The following FAM171A1 variants were observed in gnomAD, a reference collection of about 807,000 sequenced individuals.
FAM171A1 encodes family with sequence similarity 171 member A1.
In FAM171A1, 23 loss-of-function variants were observed where a neutral mutation model predicts 74.9. The observed-to-expected ratio is 0.31, with a 90% CI of 0.22 to 0.44. The LOEUF is 0.44. Among genes scored for constraint, FAM171A1 ranks in the 20% least tolerant of loss-of-function variants. The pLI, the probability that FAM171A1 is intolerant of heterozygous loss-of-function variation, is 1.00. For missense variants in FAM171A1, 1,162 were observed against 1,159.2 expected, an observed-to-expected ratio of 1.00 and a Z score of -0.03; for synonymous variants, 527 against 505.7, an observed-to-expected ratio of 1.04 and a Z score of -0.57.
chr10:15,300,924 G>A (rs114576392), intron 1 of FAM171A1, among the ~76,000 whole-genome samples: 209 of 152,228 alleles, frequency 1.4e-3, no homozygotes, highest in African/African-American at 4.1e-3. Context: ...ATCACGAAGC[G>A]TCTACAGAAA....
In FAM171A1 at chr10:15,243,800, T is replaced by TG. The variant is rs779325915; in HGVS notation, c.754+4838_754+4839insC. 8.4e-4 allele frequency among the ~76,000 whole-genome samples: 13 copies of TG among 15,444 alleles called. No homozygotes were observed. In the South Asian group the frequency reaches 0.02, roughly 24 times the overall value. The allele number at this position is 15,444 out of a possible 152,430, so 10.1% of individuals were successfully genotyped here. A position where few individuals can be genotyped will look rare whatever the true frequency, so the allele number is the denominator to read the frequency against. ...GTAAATTCTATGTATACAGTCAATGTATACATTGACTGAGCAGCTCACCGC... is the reference window on the plus strand; with the variant it reads ...GTAAATTCTATGTATACAGTCAATGTGATACATTGACTGAGCAGCTCACCGC... On this transcript the variant is annotated intron_variant, in intron 5 of 7. Coordinates refer to ENST00000378116, the MANE Select transcript of FAM171A1 (RefSeq NM_001010924.2).
At chr10:15,219,704 C>T (rs978785275) in intron 6 of FAM171A1, among the ~76,000 whole-genome samples, 3 of 152,230 alleles carry the variant, frequency 2.0e-5, no homozygotes, top group African/African-American at 7.2e-5. Flanking sequence ...GCCTCAGCCT[C>T]CCAAGTAGCT....
chr10:15,248,912 C>A (rs1291278416), intron 4 of FAM171A1, 97 bp from the exon 5 acceptor site: 10 of 1,158,104 alleles, frequency 8.6e-6, no homozygotes, highest in Non-Finnish European at 1.1e-5. Context: ...ACCATTACCT[C>A]CTATATGCCA....
intron 1 of FAM171A1, among the ~76,000 whole-genome samples, chr10:15,367,784 T>G (rs1171644343): frequency 6.6e-6 from 1 of 152,252 alleles, no homozygotes; most frequent in Non-Finnish European, 1.5e-5. Context: ...TTTTCAGCAC[T>G]GGGTTTGCCT....
chr10:15,348,978 T>C (rs867099263), intron 1 of FAM171A1, among the ~76,000 whole-genome samples: 2 of 152,240 alleles, frequency 1.3e-5, no homozygotes, highest in Non-Finnish European at 2.9e-5. Context: ...TCTGACTTCA[T>C]GCTACCATCT....
intron 1 of FAM171A1, among the ~76,000 whole-genome samples, chr10:15,363,330 G>T (rs1303074292): frequency 6.6e-6 from 1 of 152,210 alleles, no homozygotes; most frequent in African/African-American, 2.4e-5. Context: ...AGAGGGTTTT[G>T]AGTTGAAAGG....
intron 1 of FAM171A1, among the ~76,000 whole-genome samples, chr10:15,364,975 T>C (rs537848646): frequency 7.2e-5 from 11 of 152,274 alleles, no homozygotes; most frequent in South Asian, 6.2e-4. Context: ...ACAGAATCAC[T>C]TGGCCACAGT....
intron 3 of FAM171A1, among the ~76,000 whole-genome samples, chr10:15,265,571 T>C (rs1834728438): frequency 1.3e-5 from 1 of 77,208 alleles, no homozygotes; most frequent in Admixed American, 2.2e-4. Flanking sequence ...GCTGAGATGG[T>C]GCCTCTGAAA....
chr10:15,341,390 C>A (rs1199366796), intron 1 of FAM171A1, among the ~76,000 whole-genome samples: 1 of 152,148 alleles, frequency 6.6e-6, no homozygotes, highest in Non-Finnish European at 1.5e-5. Flanking sequence ...ACTACAAAAT[C>A]CAAATGAGCA....
intron 1 of FAM171A1, among the ~76,000 whole-genome samples, chr10:15,296,928 C>G (rs1216080858): frequency 6.6e-6 from 1 of 152,214 alleles, no homozygotes; most frequent in Non-Finnish European, 1.5e-5. Flanking sequence ...CGTGAAAAGG[C>G]AGCCATGTGG....
intron 1 of FAM171A1, among the ~76,000 whole-genome samples, chr10:15,368,065 C>T (rs2079901944): frequency 6.6e-6 from 1 of 152,234 alleles, no homozygotes; most frequent in African/African-American, 2.4e-5. Context: ...GAAAAATTCC[C>T]AGAAAATAGA....
At position 15,213,960 on chromosome 10, in the gene FAM171A1, C is replaced by G; in HGVS notation, c.1628G>C (p.Arg543Pro). Residue 543 changes from arginine to proline, a missense_variant, in exon 8 of 8, where the codon CGA becomes CCA. Transcript: ENST00000378116. This position sits in a 1 kb window ranked among gnomAD's most constrained non-coding sequence, Gnocchi z 6.8. ...AGGTCTCTCGAGGTGATCTACTGAT[C>G]GCGACATCATACATTCAGTGGGTCT... ...DRRPTECMMS[R>P]SVDHLERPTS... 6.2e-7 allele frequency: 1 copy of G among 1,614,134 alleles called. No individual in the cohort carries two copies.
intron 1 of FAM171A1, among the ~76,000 whole-genome samples, chr10:15,298,829 T>C (rs549064452): frequency 1.8e-4 from 27 of 152,336 alleles, no homozygotes; most frequent in South Asian, 1.0e-3. Flanking sequence ...ATGATGGTGA[T>C]GCAACACTGT....
In FAM171A1 at chr10:15,320,264, C is replaced by T. The variant is rs574591444; in HGVS notation, c.98-36159G>A. ...GCATTAATTCACTTAGGATAATGGC[C>T]TCCAGTTGATCCATGTTGCTGCAAA... On this transcript the variant is annotated intron_variant, in intron 1 of 7. Coordinates refer to ENST00000378116, the MANE Select transcript of FAM171A1 (RefSeq NM_001010924.2). Among the ~76,000 whole-genome samples, 368 of 152,284 alleles carry T rather than the reference C, an allele frequency of 2.4e-3. 1 individual carries two copies. The highest frequency in any genetic ancestry group is 6.8e-3 in the Middle Eastern group (2 of 294).
rs755810029 is a variant in FAM171A1 at position 15,214,152 on chromosome 10, G to T, written c.1436C>A (p.Ser479Tyr). The change falls in exon 8 of 8, where the codon TCC (serine) becomes TAC (tyrosine). Residue 479 changes from serine (S) to tyrosine (Y), a missense_variant. Ser to Tyr is a moderately radical substitution (Grantham distance 144). Transcript: ENST00000378116. ...ACCCCTGTAGTCATCATTGCCCGAG[G>T]ACTCGTAGCCTTCTCTTTCCATAGA... ...RKSMEREGYE[S>Y]SGNDDYRGSY... 10 of 1,614,128 alleles carry T rather than the reference G, an allele frequency of 6.2e-6. No individual in the cohort carries two copies. In the Admixed American group the frequency reaches 1.7e-4, roughly 27 times the overall value.
chr10:15,248,382 C>T (rs1214060596), intron 5 of FAM171A1, among the ~76,000 whole-genome samples: 1 of 152,104 alleles, frequency 6.6e-6, no homozygotes, highest in Non-Finnish European at 1.5e-5. Flanking sequence ...ATAACCTTTA[C>T]AGATTCTTTT....
In FAM171A1 at chr10:15,354,855, G is replaced by A. The variant is rs190045031; in HGVS notation, c.97+16101C>T. ...GTCTAACTTTATAAATGAGAGACCTGTAGGAGCAGCTTGTTCAATCTGGAG... is the reference window on the plus strand; with the variant it reads ...GTCTAACTTTATAAATGAGAGACCTATAGGAGCAGCTTGTTCAATCTGGAG... On this transcript the variant is annotated intron_variant, in intron 1 of 7. Coordinates refer to ENST00000378116, the MANE Select transcript of FAM171A1 (RefSeq NM_001010924.2). Among the ~76,000 whole-genome samples the A allele has an allele frequency of 1.6e-4, 24 of 152,326 alleles. 1 individual carries two copies. Among genetic ancestry groups the A allele is most frequent in the Admixed American group, 1.3e-3 (20 of 15,306 alleles).
At chr10:15,278,831 G>A (rs1834929178) in intron 2 of FAM171A1, among the ~76,000 whole-genome samples, 1 of 152,154 alleles carries the variant, frequency 6.6e-6, no homozygotes, top group South Asian at 2.1e-4. Context: ...ACTGTTGGGA[G>A]GAACCCCAAC....
At chr10:15,298,099 G>T (rs976301926) in intron 1 of FAM171A1, among the ~76,000 whole-genome samples, 56 of 151,796 alleles carry the variant, frequency 3.7e-4, no homozygotes, top group African/African-American at 1.3e-3. Flanking sequence ...ATATACATTT[G>T]ACAGCAAAAC....
Sources: allele counts gnomAD v4.1 joint callset (sites outside exome capture counted in the v4.1 genomes callset), GRCh38; gene constraint gnomAD v4.1.1; non-coding constraint Gnocchi (gnomAD v3.1); transcripts MANE v1.5; gene names NCBI Gene and HGNC (gene_info 2026-07-23, HGNC 2026-07-21).